Variants in KNL1 observed in about 807,000 individuals in gnomAD.
KNL1 encodes kinetochore scaffold 1, also known as outer kinetochore KNL1 complex subunit KNL1.
In KNL1, 66 loss-of-function variants were observed where a neutral mutation model predicts 201.3. The observed-to-expected ratio is 0.33, with a 90% CI of 0.27 to 0.40. The LOEUF (loss-of-function observed/expected upper bound fraction) is 0.40. KNL1 is among the 10% of genes least tolerant of loss of function. The probability of loss-of-function intolerance (pLI) is 1.00; values close to 1 mark genes in which losing one functional copy is unlikely to be tolerated. For synonymous variants in KNL1, 895 were observed against 899.2 expected (o/e 1.00, Z 0.08); for missense variants, 2,815 against 2,690.5 (o/e 1.05, Z -1.02).
rs796460233 is a variant in KNL1, at chr15:40,651,928, G to A, written c.6315-77G>A. 5 of 902,598 alleles carry A rather than the reference G, an allele frequency of 5.5e-6. No homozygotes were observed. The African/African-American group carries it at 8.2e-5, about 15-fold the overall frequency. The allele number at this position is 902,598 out of a possible 1,614,324, so 55.9% of individuals were successfully genotyped here. ...AACATTAGCAGCTGCTGTTGGTACT[G>A]TTTGGGTGGTATCAGAAGTTCTCTT... On this transcript the variant is annotated intron_variant, in intron 20 of 25. Transcript: ENST00000399668.
chr15:40,626,394 C>A (rs535109682), intron 10 of KNL1, among the ~76,000 whole-genome samples: 194 of 150,810 alleles, frequency 1.3e-3, no homozygotes, highest in African/African-American at 4.6e-3. Context: ...TGGTCTCGAA[C>A]TCCTGATCTC....
chr15:40,628,125 T>C lies in KNL1; in HGVS notation c.5432T>C (p.Ile1811Thr). Reference sequence around the variant, plus strand: ...GATAAAAGTGCTAACAGTGTATTGATAAAAAACCTGAGCAGGACCCCATCT... The same window carrying C: ...GATAAAAGTGCTAACAGTGTATTGACAAAAAACCTGAGCAGGACCCCATCT... Reference protein sequence around the residue: ...DIDKSANSVLIKNLSRTPSSC... With the variant: ...DIDKSANSVLTKNLSRTPSSC... The change falls in exon 11 of 26, where the codon ATA becomes ACA. Residue 1811 changes from isoleucine (I) to threonine (T), a missense_variant. Ile to Thr is a moderately conservative substitution (Grantham distance 89). Transcript: ENST00000399668. 6.2e-7 allele frequency: 1 copy of C among 1,612,780 alleles called. No individual in the cohort carries two copies. Among genetic ancestry groups the C allele is most frequent in the Non-Finnish European group, 8.5e-7 (1 of 1,179,536 alleles).
At chr15:40,657,268 T>TA in intron 23 of KNL1, 87 bp from the exon 24 acceptor site, 1 of 1,042,012 alleles carries the variant, frequency 9.6e-7, no homozygotes, top group East Asian at 2.4e-5. Context: ...TTCAATTGTT[T>TA]AACTTTTTTG....
In KNL1 at chr15:40,623,361, A is replaced by G; in HGVS notation, c.3097A>G (p.Asn1033Asp). ...NNRGPVEVAD[N>D]MELSKSATCK... ...TAGGGGCCCTGTAGAGGTAGCTGAT[A>G]ACATGGAATTGTCTAAATCAGCCAC... Residue 1033 changes from asparagine to aspartate, a missense_variant, in exon 10 of 26, where the codon AAC (asparagine) becomes GAC (aspartate). Transcript: ENST00000399668. 6.2e-7 allele frequency: 1 copy of G among 1,614,032 alleles called. No homozygotes were observed. The highest frequency in any genetic ancestry group is 1.3e-5 in the African/African-American group (1 of 75,046).
In KNL1 at chr15:40,623,937, C is replaced by A. The variant is rs777635072; in HGVS notation, c.3673C>A (p.Leu1225Ile). 1.2e-6 allele frequency: 2 copies of A among 1,613,336 alleles called. No homozygotes were observed. Among genetic ancestry groups the A allele is most frequent in the Admixed American group, 1.7e-5 (1 of 60,010 alleles). ...ACTGGCTGTAGGAAACAAAATAGTT[C>A]TTCACACCGAGCAAAAGCAACAACT... ...QALAVGNKIV[L>I]HTEQKQQLFA... Residue 1225 changes from leucine (L) to isoleucine (I), a missense_variant, in exon 10 of 26, where the codon CTT (leucine) becomes ATT (isoleucine). Coordinates refer to ENST00000399668, the MANE Select transcript of KNL1 (RefSeq NM_144508.5).
chr15:40,628,779 TA>T, intron 12 of KNL1, 101 bp downstream of exon 12: 1 of 653,738 alleles, frequency 1.5e-6, no homozygotes, highest in East Asian at 2.9e-5. Context: ...AAATTTTTTT[TA>T]ATTACGAAAT....
intron 7 of KNL1, among the ~76,000 whole-genome samples, chr15:40,612,487 G>A (rs1298336814): frequency 2.6e-5 from 4 of 151,914 alleles, no homozygotes; most frequent in Non-Finnish European, 5.9e-5. Flanking sequence ...GCGAGACTCT[G>A]TCTCCAAAAA....
At chr15:40,608,658 T>G (rs184961109) in intron 4 of KNL1, among the ~76,000 whole-genome samples, 189 bp from the exon 5 acceptor site, 113 of 150,402 alleles carry the variant, frequency 7.5e-4, no homozygotes, top group African/African-American at 2.5e-3. Flanking sequence ...GGCAGGAGAA[T>G]CGCTTGAATC....
chr15:40,602,753 G>A (rs1297453181), intron 1 of KNL1, among the ~76,000 whole-genome samples, 162 bp from the exon 2 acceptor site: 2 of 152,022 alleles, frequency 1.3e-5, no homozygotes, highest in Non-Finnish European at 2.9e-5. Flanking sequence ...CCAAAGTGCT[G>A]GGATTACAGG....
chr15:40,608,962 T>C, intron 5 of KNL1, 54 bp downstream of exon 5: 2 of 1,182,452 alleles, frequency 1.7e-6, no homozygotes, highest in Non-Finnish European at 2.5e-6. Flanking sequence ...ATTTTGTGTA[T>C]CAAACCAAAT....
intron 21 of KNL1, among the ~76,000 whole-genome samples, chr15:40,652,343 C>T (rs796538007): frequency 5.9e-5 from 9 of 152,072 alleles, no homozygotes; most frequent in African/African-American, 2.2e-4. Flanking sequence ...AAATTTTGCT[C>T]TGCAAATAAT....
chr15:40,605,497 G>A (rs1891942534), intron 3 of KNL1, among the ~76,000 whole-genome samples: 1 of 152,204 alleles, frequency 6.6e-6, no homozygotes. Flanking sequence ...TGTCGCCCAG[G>A]CTGGAGCGCA....
In KNL1 at chr15:40,622,953, C is replaced by T; in HGVS notation, c.2689C>T (p.Pro897Ser). 1.2e-6 allele frequency: 2 copies of T among 1,613,512 alleles called. No homozygotes were observed. The highest frequency in any genetic ancestry group is 8.5e-7 in the Non-Finnish European group (1 of 1,179,714). ...AGAGAAACGTGATTGTCATTTGGTG[C>T]CATTGGCAGGAACTTCTGAAACTAT... ...LLEKRDCHLV[P>S]LAGTSETILY... is the part of the protein sequence containing the mutation. The change falls in exon 10 of 26, where the codon CCA becomes TCA. Residue 897 changes from proline to serine, a missense_variant. Coordinates refer to ENST00000399668, the MANE Select transcript of KNL1 (RefSeq NM_144508.5).
intron 13 of KNL1, among the ~76,000 whole-genome samples, chr15:40,638,114 G>C (rs1352794704): frequency 6.6e-6 from 1 of 151,934 alleles, no homozygotes; most frequent in African/African-American, 2.4e-5. Context: ...CTTGAACCCA[G>C]GAGGCAGAGG....
In KNL1 at chr15:40,625,314, T is replaced by C. The variant is rs757896672; in HGVS notation, c.5050T>C (p.Leu1684=). 2.5e-6 allele frequency: 4 copies of C among 1,614,086 alleles called. No homozygotes were observed. The South Asian group carries it at 3.3e-5, about 13-fold the overall frequency. ...AGCAGACACAACTGATATAAATCAC[T>C]TAGAAACTCAGCCGGTCTCTAGCAA... The part of the protein sequence containing the change: ...IPADTTDINH[L]ETQPVSSKDS... The change falls in exon 10 of 26, where the codon TTA becomes CTA. Residue 1684 remains leucine (L), a synonymous_variant. Coordinates refer to ENST00000399668, the MANE Select transcript of KNL1 (RefSeq NM_144508.5).
At chr15:40,611,964 G>A (rs1892176976) in intron 7 of KNL1, among the ~76,000 whole-genome samples, 1 of 152,104 alleles carries the variant, frequency 6.6e-6, no homozygotes, top group South Asian at 2.1e-4. Context: ...TGGATCACCT[G>A]AGGTCAGGAG....
intron 7 of KNL1, among the ~76,000 whole-genome samples, chr15:40,614,100 C>G (rs1567003425): frequency 8.1e-6 from 1 of 123,330 alleles, no homozygotes; most frequent in Non-Finnish European, 1.7e-5. Context: ...GCCTGGCCCC[C>G]CTTTTTTTTT....
intron 19 of KNL1, 86 bp from the exon 20 acceptor site, chr15:40,651,385 G>T (rs889359715): frequency 2.7e-6 from 2 of 745,690 alleles, no homozygotes; most frequent in Non-Finnish European, 4.2e-6. Flanking sequence ...TGTAGCATGT[G>T]ACTTCTTATC....
At position 40,663,135 on chromosome 15, in the gene KNL1, C is replaced by T. The variant is rs968333720; in HGVS notation, c.*947C>T. On this transcript the variant is annotated 3_prime_UTR_variant, in exon 26 of 26. Coordinates refer to ENST00000399668, the MANE Select transcript of KNL1 (RefSeq NM_144508.5). Reference sequence around the variant, plus strand: ...AGTGCAGTGGCATGATCTCAGCTCACTGCAAGCTCCGCCTCCTGGGTTCAC... The same window carrying T: ...AGTGCAGTGGCATGATCTCAGCTCATTGCAAGCTCCGCCTCCTGGGTTCAC... The T allele has an allele frequency of 6.4e-6, 1 of 157,352 alleles. No homozygotes were observed. The highest frequency in any genetic ancestry group is 2.4e-5 in the African/African-American group (1 of 41,532). The allele number at this position is 157,352 out of a possible 1,614,324, so 9.7% of individuals were successfully genotyped here.
Sources: allele counts gnomAD v4.1 joint callset (sites outside exome capture counted in the v4.1 genomes callset), GRCh38; gene constraint gnomAD v4.1.1; transcripts MANE v1.5; gene names NCBI Gene and HGNC (gene_info 2026-07-23, HGNC 2026-07-21).